MTA1: variants seen among roughly 807,000 people sequenced by gnomAD.
The protein encoded by MTA1 is metastasis associated 1.
A neutral mutation model predicts 97.0 loss-of-function variants in MTA1; 15 were observed. The observed-to-expected ratio is 0.15, with a 90% confidence interval of 0.10 to 0.24. The LOEUF (loss-of-function observed/expected upper bound fraction) is 0.24, where lower values mean the gene tolerates loss of function less well. Ranked by LOEUF, MTA1 falls within the 10% of genes least tolerant of loss-of-function variation. The probability of loss-of-function intolerance (pLI) is 1.00; values close to 1 mark genes in which losing one functional copy is unlikely to be tolerated. For missense variants in MTA1, 709 were observed against 1,015.1 expected, an observed-to-expected ratio of 0.70 and a Z score of 4.10; for synonymous variants, 435 against 417.5, an observed-to-expected ratio of 1.04 and a Z score of -0.51.
At position 105,464,812 on chromosome 14, in the gene MTA1, G is replaced by T; in HGVS notation, c.1483G>T (p.Ala495Ser). ...CCGTGAGATCCTGCGCCCGTGGCAC[G>T]CTGCGCGGCACCCCTACCTGCCCAT... ...LCREILRPWH[A>S]ARHPYLPINS... Residue 495 changes from alanine (A) to serine (S), a missense_variant, in exon 15 of 21, where the codon GCT becomes TCT. Around this residue, in one of 2 missense-constraint regions of MTA1, gnomAD observed 388 missense variants for 421.6 expected, o/e 0.92. Transcript: ENST00000331320. 1.2e-6 allele frequency: 2 copies of T among 1,602,364 alleles called. No individual in the cohort carries two copies. The highest frequency in any genetic ancestry group is 1.7e-6 in the Non-Finnish European group (2 of 1,172,186).
intron 2 of MTA1, among the ~76,000 whole-genome samples, chr14:105,440,963 G>C (rs1241434733): frequency 6.6e-6 from 1 of 152,248 alleles, no homozygotes; most frequent in Non-Finnish European, 1.5e-5. Flanking sequence ...AGGAAGGTGG[G>C]AGAGGCGGTG....
At position 105,420,980 on chromosome 14, in the gene MTA1, G is replaced by T. The variant is rs916092230; in HGVS notation, c.28+917G>T. 3.3e-5 allele frequency among the ~76,000 whole-genome samples: 5 copies of T among 152,188 alleles called. No homozygotes were observed. The highest frequency in any genetic ancestry group is 6.5e-5 in the Admixed American group (1 of 15,288). On this transcript the variant is annotated intron_variant, in intron 1 of 20. Coordinates refer to ENST00000331320, the MANE Select transcript of MTA1 (RefSeq NM_004689.4). This position sits in a 1 kb window ranked among gnomAD's most constrained non-coding sequence, Gnocchi z 5.3. Reference sequence around the variant, plus strand: ...AGCCTGCGCTGCTGGAGGGAGCTGGGGTCACTCCCGCTCTGGCTTGATCCC... The same window carrying T: ...AGCCTGCGCTGCTGGAGGGAGCTGGTGTCACTCCCGCTCTGGCTTGATCCC...
At chr14:105,450,210 G>A (rs1555428268) in intron 5 of MTA1, 26 bp downstream of exon 5, 2 of 1,611,480 alleles carry the variant, frequency 1.2e-6, no homozygotes, top group East Asian at 2.2e-5. Context: ...TCCCGCCCTG[G>A]GCCCCTCGGG....
chr14:105,438,525 G>A (rs1005451320), intron 1 of MTA1, 147 bp from the exon 2 acceptor site: 8 of 722,674 alleles, frequency 1.1e-5, no homozygotes, highest in Admixed American at 1.0e-4. Flanking sequence ...TGGGGGCTTC[G>A]CTTCCTCTGT....
intron 6 of MTA1, 143 bp from the exon 7 acceptor site, chr14:105,454,049 GC>G: frequency 1.7e-6 from 1 of 582,506 alleles, no homozygotes. Flanking sequence ...GGGCTCCTGC[GC>G]CCTCCCTCCC....
intron 7 of MTA1, among the ~76,000 whole-genome samples, chr14:105,456,479 C>T (rs1555429943): frequency 6.6e-6 from 1 of 152,230 alleles, no homozygotes; most frequent in African/African-American, 2.4e-5. Context: ...CGCTGCCTTC[C>T]CCGCTGCCCT....
intron 3 of MTA1, 114 bp downstream of exon 3, chr14:105,445,625 C>A: frequency 9.6e-7 from 1 of 1,040,156 alleles, no homozygotes; most frequent in African/African-American, 1.6e-5. Flanking sequence ...GGGCCACCCT[C>A]TGCCCAACTC....
intron 2 of MTA1, among the ~76,000 whole-genome samples, chr14:105,442,028 CAAAG>C (rs1407822033): frequency 5.9e-5 from 9 of 152,054 alleles, no homozygotes; most frequent in African/African-American, 9.7e-5. Context: ...GGCAAAAACA[CAAAG>C]AAACTAGGAG....
intron 3 of MTA1, among the ~76,000 whole-genome samples, chr14:105,447,956 C>G (rs1436127748): frequency 1.3e-5 from 2 of 152,190 alleles, no homozygotes; most frequent in African/African-American, 4.8e-5. Flanking sequence ...CACGTCACTG[C>G]CTCCACCCAG....
Position 105,424,402 on chromosome 14 carries a change from T to G in MTA1, c.28+4339T>G, listed in dbSNP as rs2081946945. 6.6e-6 allele frequency among the ~76,000 whole-genome samples: 1 copy of G among 151,474 alleles called. No individual in the cohort carries two copies. The highest frequency in any genetic ancestry group is 2.4e-5 in the African/African-American group (1 of 41,168). On this transcript the variant is annotated intron_variant, in intron 1 of 20. Transcript: ENST00000331320. This position sits in a 1 kb window ranked among gnomAD's most constrained non-coding sequence, Gnocchi z 4.0. ...TTTTTTTGTAGAGACGGGGTTTCACTGTGTTAGCCAGTATGGTCTCGATCT... is the reference window on the plus strand; with the variant it reads ...TTTTTTTGTAGAGACGGGGTTTCACGGTGTTAGCCAGTATGGTCTCGATCT...
chr14:105,466,829 C>T, intron 18 of MTA1, 87 bp downstream of exon 18: 1 of 1,399,832 alleles, frequency 7.1e-7, no homozygotes, highest in East Asian at 2.5e-5. Context: ...CGGCGGGCGG[C>T]CCAGGGCCCA....
intron 3 of MTA1, among the ~76,000 whole-genome samples, chr14:105,448,623 C>T (rs1231265596): frequency 6.6e-6 from 1 of 152,206 alleles, no homozygotes; most frequent in Non-Finnish European, 1.5e-5. Context: ...CTGTCCTGGT[C>T]GGCCCTGCCC....
At position 105,469,963 on chromosome 14, in the gene MTA1, C is replaced by A; in HGVS notation, c.1968C>A (p.Asp656Glu). 2 of 1,612,498 alleles carry A rather than the reference C, an allele frequency of 1.2e-6. No homozygotes were observed. The highest frequency in any genetic ancestry group is 1.7e-6 in the Non-Finnish European group (2 of 1,179,848). Residue 656 changes from aspartate to glutamate, a missense_variant, in exon 20 of 21, where the codon GAC (aspartate) becomes GAA (glutamate). This residue lies in a region of MTA1 where 388 missense variants were observed against 421.6 expected (regional missense o/e 0.92). Transcript: ENST00000331320. ...RRMNWIDAPDDVFYMATEETR... is the reference protein window; with the variant it reads ...RRMNWIDAPDEVFYMATEETR... ...TGAACTGGATCGACGCCCCGGATGA[C>A]GTGTTCTACATGGCCACAGAGGAGA...
chr14:105,445,652 T>G, intron 3 of MTA1, 141 bp downstream of exon 3: 1 of 889,100 alleles, frequency 1.1e-6, no homozygotes, highest in Non-Finnish European at 1.8e-6. Context: ...GCGTCTCTTT[T>G]TCTCCCTTCC....
At chr14:105,464,319 G>A in intron 13 of MTA1, 97 bp from the exon 14 acceptor site, 1 of 1,498,178 alleles carries the variant, frequency 6.7e-7, no homozygotes, top group Non-Finnish European at 9.1e-7. Context: ...GGGGGTGCCT[G>A]GCGGGTGGGG....
chr14:105,442,347 C>T (rs146801153), intron 2 of MTA1, among the ~76,000 whole-genome samples: 4 of 152,326 alleles, frequency 2.6e-5, no homozygotes, highest in East Asian at 1.9e-4. Flanking sequence ...CTTTCCAACA[C>T]GAGGGAGGCG....
At position 105,420,369 on chromosome 14, in the gene MTA1, T is replaced by G. The variant is rs1222683201; in HGVS notation, c.28+306T>G. Among the ~76,000 whole-genome samples, 1 of 150,364 alleles carries G rather than the reference T, an allele frequency of 6.7e-6. No individual in the cohort carries two copies. The highest frequency in any genetic ancestry group is 1.5e-5 in the Non-Finnish European group (1 of 67,450). Reference sequence around the variant, plus strand: ...GCGGGGCCTGCGGGACATCCGGGGGTCCGGGGCCGGGAGCCCCCAGCGGGA... The same window carrying G: ...GCGGGGCCTGCGGGACATCCGGGGGGCCGGGGCCGGGAGCCCCCAGCGGGA... On this transcript the variant is annotated intron_variant, in intron 1 of 20. Coordinates refer to ENST00000331320, the MANE Select transcript of MTA1 (RefSeq NM_004689.4). This position sits in a 1 kb window ranked among gnomAD's most constrained non-coding sequence, Gnocchi z 5.3.
chr14:105,458,115 C>G (rs1555430247), intron 7 of MTA1, among the ~76,000 whole-genome samples, 155 bp from the exon 8 acceptor site: 1 of 152,114 alleles, frequency 6.6e-6, no homozygotes, highest in Non-Finnish European at 1.5e-5. Flanking sequence ...GTGTGTGCAA[C>G]AGCCTCCGTC....
intron 1 of MTA1, among the ~76,000 whole-genome samples, chr14:105,423,388 T>C (rs1373597961): frequency 6.6e-6 from 1 of 152,066 alleles, no homozygotes. Flanking sequence ...GGTTAAGTTT[T>C]ACATTTTTAG....
Sources: allele counts gnomAD v4.1 joint callset (sites outside exome capture counted in the v4.1 genomes callset), GRCh38; gene constraint gnomAD v4.1.1; regional missense constraint gnomAD v4.1.1; non-coding constraint Gnocchi (gnomAD v3.1); transcripts MANE v1.5; gene names NCBI Gene and HGNC (gene_info 2026-07-23, HGNC 2026-07-21).